NOX4: variants seen among roughly 807,000 people sequenced by gnomAD.
The protein encoded by NOX4 is kidney oxidase-1.
NOX4 carries 69 observed loss-of-function variants against 87.6 expected under a neutral mutation model. The observed-to-expected ratio is 0.79, with a 90% CI of 0.65 to 0.96. NOX4 has a LOEUF of 0.96. Among genes scored for constraint, NOX4 ranks in the 40% least tolerant of loss-of-function variants. The pLI is 0.00. For synonymous variants in NOX4, 275 were observed against 238.2 expected, an observed-to-expected ratio of 1.15 and a Z score of -1.42; for missense variants, 680 against 681.5, an observed-to-expected ratio of 1.00 and a Z score of 0.02.
intron 13 of NOX4, among the ~76,000 whole-genome samples, chr11:89,342,694 G>T (rs1482666452): frequency 3.9e-5 from 6 of 152,028 alleles, no homozygotes; most frequent in African/African-American, 1.2e-4. Flanking sequence ...CCCTCCTCTT[G>T]CCCTGGTTGT....
At chr11:89,329,439 T>A (rs1162430815) in intron 17 of NOX4, among the ~76,000 whole-genome samples, 1 of 112,884 alleles carries the variant, frequency 8.9e-6, no homozygotes, top group East Asian at 2.5e-4. Flanking sequence ...CAAAAATACA[T>A]GTAACTGCAG....
At chr11:89,383,969 T>C (rs1305519219) in intron 11 of NOX4, among the ~76,000 whole-genome samples, 1 of 152,034 alleles carries the variant, frequency 6.6e-6, no homozygotes, top group Non-Finnish European at 1.5e-5. Context: ...TCAACACCAA[T>C]ATCCCATCCC....
Position 89,339,883 on chromosome 11 carries a change from A to T in NOX4, c.1446+180T>A, listed in dbSNP as rs113708607. Among the ~76,000 whole-genome samples, 618 of 152,266 alleles carry T rather than the reference A, an allele frequency of 4.1e-3. 5 individuals are homozygous for T. The highest frequency in any genetic ancestry group is 0.014 in the African/African-American group (594 of 41,556). On this transcript the variant is annotated intron_variant, in intron 15 of 17. Transcript: ENST00000263317. Reference sequence around the variant, plus strand: ...TCCATATCTGAAAAGATGTGTGTCTAATTGCTAACAGATATTATCTCTGAT... The same window carrying T: ...TCCATATCTGAAAAGATGTGTGTCTTATTGCTAACAGATATTATCTCTGAT...
Position 89,491,280 on chromosome 11 carries a change from G to T in NOX4, c.-34C>A, listed in dbSNP as rs369467142. On this transcript the variant is annotated 5_prime_UTR_variant, in exon 1 of 18. Coordinates refer to ENST00000263317, the MANE Select transcript of NOX4 (RefSeq NM_016931.5). ...CCCCGCCGCGCTGCGCTCTGTGCCC[G>T]CCGGACCGAGAAGGAGCGGGCGGCG... The T allele has an allele frequency of 2.4e-5, 39 of 1,601,154 alleles. No homozygotes were observed. In the East Asian group the frequency reaches 3.1e-4, roughly 13 times the overall value.
At position 89,326,805 on chromosome 11, in the gene NOX4, T is replaced by A; in HGVS notation, c.1688A>T (p.Asn563Ile). The A allele has an allele frequency of 6.2e-7, 1 of 1,613,330 alleles. No individual in the cohort carries two copies. Among genetic ancestry groups the A allele is most frequent in the Non-Finnish European group, 8.5e-7 (1 of 1,179,432 alleles). Residue 563 changes from asparagine to isoleucine, a missense_variant, in exon 18 of 18, where the codon AAC (asparagine) becomes ATC (isoleucine). Coordinates refer to ENST00000263317, the MANE Select transcript of NOX4 (RefSeq NM_016931.5). The stretch of plus-strand genomic sequence containing the variant: ...TTCAAATCTTGTCCCATATGAGTTG[T>A]TCTGGTTACTCAGTTTATGAAGAGT... The part of the protein sequence containing the change: ...SKTLHKLSNQ[N>I]NSYGTRFEYN...
At position 89,490,265 on chromosome 11, in the gene NOX4, TGA is replaced by T. The variant is rs1591378216; in HGVS notation, c.153+191_153+192del. Among the ~76,000 whole-genome samples the T allele has an allele frequency of 2.0e-5, 3 of 152,320 alleles. No individual in the cohort carries two copies. In the East Asian group the frequency reaches 5.8e-4, roughly 29 times the overall value. On this transcript the variant is annotated intron_variant, in intron 2 of 17. Transcript: ENST00000263317. ...TTCAGCAGATATTACCTTTGGTTCT[TGA>T]GAGAGTCAATCTTTTTAACTTGTAC...
the NOX4 span, among the ~76,000 whole-genome samples, chr11:89,535,169 C>G: frequency 1.3e-5 from 2 of 152,176 alleles, no homozygotes; most frequent in Non-Finnish European, 2.9e-5. Flanking sequence ...CATTAAATCT[C>G]AGTCCCCTAA....
the NOX4 span, among the ~76,000 whole-genome samples, chr11:89,582,005 C>T: frequency 8.7e-4 from 132 of 152,154 alleles, no homozygotes; most frequent in African/African-American, 3.1e-3. Context: ...ATTTTGTACC[C>T]TTTGACCAAT....
the NOX4 span, chr11:89,577,571 T>C: frequency 7.9e-5 from 12 of 152,288 alleles, no homozygotes; most frequent in African/African-American, 2.2e-4. Context: ...CAGAAGGAAA[T>C]TGAGATTAGA....
chr11:89,535,528 G>A, the NOX4 span, among the ~76,000 whole-genome samples: 1 of 152,120 alleles, frequency 6.6e-6, no homozygotes, highest in Non-Finnish European at 1.5e-5. Context: ...GCAAAACTCT[G>A]CATCATGTAA....
intron 17 of NOX4, among the ~76,000 whole-genome samples, chr11:89,331,594 C>G (rs1380905577): frequency 4.0e-5 from 6 of 151,752 alleles, no homozygotes. Flanking sequence ...TTTCTGTCAA[C>G]GCCATATGAT....
the NOX4 span, among the ~76,000 whole-genome samples, chr11:89,539,292 C>T: frequency 6.4e-4 from 98 of 152,002 alleles, 2 homozygotes; most frequent in Admixed American, 2.6e-3. Context: ...ATTATCCAGG[C>T]GTGGTGGCAT....
intron 12 of NOX4, among the ~76,000 whole-genome samples, chr11:89,359,525 A>G (rs557084093): frequency 6.6e-6 from 1 of 152,042 alleles, no homozygotes; most frequent in South Asian, 2.1e-4. Context: ...CACTACAAAA[A>G]AAAGAAAGAA....
chr11:89,519,989 C>A, the NOX4 span, among the ~76,000 whole-genome samples: 8 of 151,870 alleles, frequency 5.3e-5, no homozygotes, highest in Non-Finnish European at 1.0e-4. Context: ...AGTACCCTAC[C>A]ATTTCTATGT....
chr11:89,476,346 T>C (rs889871574), intron 2 of NOX4, among the ~76,000 whole-genome samples: 5 of 152,092 alleles, frequency 3.3e-5, no homozygotes, highest in African/African-American at 1.2e-4. Flanking sequence ...TTATGCGCAG[T>C]TCATAAGAAA....
intron 2 of NOX4, among the ~76,000 whole-genome samples, chr11:89,456,317 A>C (rs574044140): frequency 1.1e-4 from 16 of 152,364 alleles, no homozygotes; most frequent in African/African-American, 3.8e-4. Flanking sequence ...TTTAGAATAC[A>C]TATATTTTGA....
At chr11:89,549,314 T>C in the NOX4 span, among the ~76,000 whole-genome samples, 1 of 152,204 alleles carries the variant, frequency 6.6e-6, no homozygotes, top group Admixed American at 6.5e-5. Flanking sequence ...TTATCCCCCT[T>C]GTTCTCTACT....
At chr11:89,404,842 A>C (rs1050548907) in intron 8 of NOX4, among the ~76,000 whole-genome samples, 5 of 152,130 alleles carry the variant, frequency 3.3e-5, no homozygotes, top group African/African-American at 1.2e-4. Context: ...TTTTTAGAAC[A>C]TCTATTTCTC....
the NOX4 span, among the ~76,000 whole-genome samples, chr11:89,528,197 G>A: frequency 6.6e-6 from 1 of 152,126 alleles, no homozygotes; most frequent in South Asian, 2.1e-4. Context: ...TTTGGAACGG[G>A]GGTATTTACC....
Sources: allele counts gnomAD v4.1 joint callset (sites outside exome capture counted in the v4.1 genomes callset), GRCh38; gene constraint gnomAD v4.1.1; transcripts MANE v1.5; gene names NCBI Gene and HGNC (gene_info 2026-07-23, HGNC 2026-07-21).